PLA2R1: variants seen among roughly 807,000 people sequenced by gnomAD.
PLA2R1 encodes secretory phospholipase A2 receptor.
PLA2R1 carries 158 observed loss-of-function variants against 195.9 expected under a neutral mutation model. That is an observed-to-expected ratio of 0.81 (90% CI 0.71 to 0.92). The LOEUF is 0.92. PLA2R1 is among the 40% of genes least tolerant of loss of function. PLA2R1 has a pLI of 0.00. For synonymous variants in PLA2R1, 586 were observed against 598.2 expected (o/e 0.98, Z 0.30); for missense variants, 1,626 against 1,764.6 (o/e 0.92, Z 1.41).
chr2:159,980,951 A>C (rs1689904284), intron 13 of PLA2R1, among the ~76,000 whole-genome samples: 1 of 152,218 alleles, frequency 6.6e-6, no homozygotes, highest in Admixed American at 6.5e-5. Flanking sequence ...GGACATTGTC[A>C]TGATGATACT....
At chr2:159,954,399 G>A (rs139839805) in intron 23 of PLA2R1, among the ~76,000 whole-genome samples, 3 of 151,936 alleles carry the variant, frequency 2.0e-5, no homozygotes, top group African/African-American at 4.8e-5. Flanking sequence ...AGTGGTAACT[G>A]AGAACCAGAA....
chr2:160,040,933 G>C (rs1210527388), intron 3 of PLA2R1, among the ~76,000 whole-genome samples: 1 of 152,126 alleles, frequency 6.6e-6, no homozygotes, highest in Non-Finnish European at 1.5e-5. Context: ...TCATCTAATT[G>C]AATTGCACAA....
In PLA2R1 at chr2:159,955,689, A is replaced by C. The variant is rs771631742; in HGVS notation, c.3153+9T>G. ...AAGTGATCTCCAAAAAATAAATCTT[A>C]AAACTTACATTTATTATATCAAATG... On this transcript the variant is annotated intron_variant, in intron 22 of 29. Coordinates refer to ENST00000283243, the MANE Select transcript of PLA2R1 (RefSeq NM_007366.5). 19 of 1,392,110 alleles carry C rather than the reference A, an allele frequency of 1.4e-5. No homozygotes were observed. In the East Asian group the frequency reaches 5.0e-4, roughly 36 times the overall value. 86.2% of individuals were successfully genotyped at this position (1,392,110 alleles called of 1,614,324 possible).
At chr2:160,046,555 T>C (rs958831278) in intron 1 of PLA2R1, among the ~76,000 whole-genome samples, 1 of 152,192 alleles carries the variant, frequency 6.6e-6, no homozygotes, top group African/African-American at 2.4e-5. Flanking sequence ...GGAGAACTGA[T>C]TTACAGTAAC....
intron 27 of PLA2R1, chr2:159,946,484 T>A: frequency 2.0e-6 from 2 of 1,023,784 alleles, no homozygotes; most frequent in Non-Finnish European, 2.3e-6. Context: ...CCTGGGATAT[T>A]TTCCAGTAAA....
At chr2:160,038,063 G>A (rs572224097) in intron 3 of PLA2R1, among the ~76,000 whole-genome samples, 3 of 152,288 alleles carry the variant, frequency 2.0e-5, no homozygotes, top group Admixed American at 2.0e-4. Flanking sequence ...GGAAATGGAG[G>A]TCAAGGTCAG....
At chr2:159,988,281 G>C (rs1391752994) in intron 11 of PLA2R1, among the ~76,000 whole-genome samples, 1 of 151,110 alleles carries the variant, frequency 6.6e-6, no homozygotes, top group Non-Finnish European at 1.5e-5. Flanking sequence ...TGATCATTTA[G>C]TTAACTAAAT....
chr2:159,997,801 C>A (rs927477793), intron 11 of PLA2R1, among the ~76,000 whole-genome samples: 11 of 152,048 alleles, frequency 7.2e-5, no homozygotes, highest in Non-Finnish European at 1.5e-5. Flanking sequence ...GTTTGCCTTG[C>A]GATGGATCTA....
chr2:159,925,482 A>G, the PLA2R1 span, among the ~76,000 whole-genome samples: 1 of 151,646 alleles, frequency 6.6e-6, no homozygotes, highest in Admixed American at 6.6e-5. Flanking sequence ...CACACTTAAA[A>G]TTCAATCTGT....
intron 3 of PLA2R1, among the ~76,000 whole-genome samples, chr2:160,037,660 T>C (rs746688481): frequency 1.3e-5 from 2 of 152,198 alleles, no homozygotes; most frequent in Non-Finnish European, 2.9e-5. Flanking sequence ...CTGCATCCCA[T>C]GCTGACCACT....
chr2:160,002,303 TGGAA>T lies in PLA2R1; in HGVS notation c.1834+3345_1834+3348del, dbSNP rs1691658732. On this transcript the variant is annotated intron_variant, in intron 11 of 29. Coordinates refer to ENST00000283243, the MANE Select transcript of PLA2R1 (RefSeq NM_007366.5). Reference sequence around the variant, plus strand: ...TGTGAAATACAACTCAAGCAGCACTTGGAAGGAAGTAGGAAGCCTCAGTAGTCTT... The same window carrying T: ...TGTGAAATACAACTCAAGCAGCACTTGGAAGTAGGAAGCCTCAGTAGTCTT... Among the ~76,000 whole-genome samples, 8 of 152,034 alleles carry T rather than the reference TGGAA, an allele frequency of 5.3e-5. No homozygotes were observed. In the South Asian group the frequency reaches 1.7e-3, roughly 32 times the overall value.
chr2:160,021,828 A>G (rs1693148821), intron 7 of PLA2R1, among the ~76,000 whole-genome samples: 1 of 152,198 alleles, frequency 6.6e-6, no homozygotes, highest in Non-Finnish European at 1.5e-5. Context: ...AAGGAGCAAA[A>G]CCTCTTAAAG....
At chr2:159,962,324 C>A (rs1343246423) in intron 20 of PLA2R1, among the ~76,000 whole-genome samples, 1 of 152,054 alleles carries the variant, frequency 6.6e-6, no homozygotes, top group Non-Finnish European at 1.5e-5. Context: ...CAAATCAAAC[C>A]CACAATGAGA....
intron 11 of PLA2R1, among the ~76,000 whole-genome samples, chr2:159,991,718 GT>G (rs1180727788): frequency 7.0e-6 from 1 of 143,456 alleles, no homozygotes; most frequent in East Asian, 2.1e-4. Context: ...TCGGTGTTTG[GT>G]TTTTTGTTCT....
chr2:160,048,675 T>C (rs1212282799), intron 1 of PLA2R1, among the ~76,000 whole-genome samples: 1 of 152,130 alleles, frequency 6.6e-6, no homozygotes, highest in African/African-American at 2.4e-5. Context: ...GGAATCAAGA[T>C]TGATTATACA....
intron 13 of PLA2R1, among the ~76,000 whole-genome samples, chr2:159,983,417 G>A (rs1251270128): frequency 6.6e-6 from 1 of 151,200 alleles, no homozygotes; most frequent in Admixed American, 6.6e-5. Context: ...AAACTTAGGA[G>A]GTTGGGTTGG....
intron 21 of PLA2R1, 110 bp from the exon 22 acceptor site, chr2:159,955,938 A>G (rs1386124702): frequency 3.3e-6 from 2 of 605,996 alleles, no homozygotes; most frequent in African/African-American, 3.9e-5. Flanking sequence ...AAACATAATT[A>G]TGAATCATTT....
chr2:159,947,384 C>A (rs1264797561), intron 26 of PLA2R1, 35 bp downstream of exon 26: 1 of 1,568,842 alleles, frequency 6.4e-7, no homozygotes, highest in Non-Finnish European at 8.6e-7. Context: ...AGAAGGAGCA[C>A]ATGAAAGCAT....
chr2:159,949,359 T>C (rs1483249804), intron 25 of PLA2R1, among the ~76,000 whole-genome samples: 1 of 152,238 alleles, frequency 6.6e-6, no homozygotes, highest in Non-Finnish European at 1.5e-5. Flanking sequence ...TGCCATGTCC[T>C]TCAAGAAGCC....
Sources: allele counts gnomAD v4.1 joint callset (sites outside exome capture counted in the v4.1 genomes callset), GRCh38; gene constraint gnomAD v4.1.1; transcripts MANE v1.5; gene names NCBI Gene and HGNC (gene_info 2026-07-23, HGNC 2026-07-21).